SV2C: variants seen among roughly 807,000 people sequenced by gnomAD.
SV2C encodes solute carrier family 22 member B3.
Under a neutral mutation model 79.7 loss-of-function variants are expected in SV2C, and 49 were observed. That is an observed-to-expected ratio of 0.61 (90% CI 0.49 to 0.78). SV2C has a LOEUF of 0.78. SV2C is among the 30% of genes least tolerant of loss of function. SV2C has a pLI of 0.00. For missense variants in SV2C, 833 were observed against 912.9 expected, an observed-to-expected ratio of 0.91 and a Z score of 1.13; for synonymous variants, 334 against 333.2, an observed-to-expected ratio of 1.00 and a Z score of -0.03.
intron 1 of SV2C, among the ~76,000 whole-genome samples, chr5:76,100,805 T>C (rs1747717306): frequency 6.6e-6 from 1 of 152,180 alleles, no homozygotes; most frequent in Non-Finnish European, 1.5e-5. Flanking sequence ...TACTGACATT[T>C]TGGACCAGAT....
the SV2C span, among the ~76,000 whole-genome samples, chr5:75,974,315 T>G: frequency 1.3e-5 from 2 of 152,094 alleles, no homozygotes; most frequent in Non-Finnish European, 2.9e-5. Flanking sequence ...TGACCTTAAA[T>G]ACAGCATTGT....
At chr5:76,030,718 T>A in the SV2C span, among the ~76,000 whole-genome samples, 2 of 151,120 alleles carry the variant, frequency 1.3e-5, no homozygotes, top group Non-Finnish European at 2.9e-5. Flanking sequence ...GCTGAGATCG[T>A]GCCACTGCAC....
chr5:75,915,870 G>A, the SV2C span, among the ~76,000 whole-genome samples: 3 of 152,152 alleles, frequency 2.0e-5, no homozygotes, highest in Non-Finnish European at 4.4e-5. Context: ...GTCAAGGCAG[G>A]GGACATTCTG....
At chr5:76,263,738 G>C (rs61176487) in intron 4 of SV2C, among the ~76,000 whole-genome samples, 2 of 152,152 alleles carry the variant, frequency 1.3e-5, no homozygotes, top group Non-Finnish European at 2.9e-5. Flanking sequence ...AGTTTGGCTG[G>C]ATATGAAATT....
chr5:75,961,360 A>G, the SV2C span, among the ~76,000 whole-genome samples: 1 of 151,998 alleles, frequency 6.6e-6, no homozygotes, highest in African/African-American at 2.4e-5. Context: ...TTTTAGCAAA[A>G]TCACTAATTA....
chr5:75,942,699 T>G, the SV2C span, among the ~76,000 whole-genome samples: 1 of 152,210 alleles, frequency 6.6e-6, no homozygotes, highest in African/African-American at 2.4e-5. Flanking sequence ...AATCATTATA[T>G]CATCTTGAGT....
At chr5:76,267,913 C>T (rs1746717464) in intron 4 of SV2C, among the ~76,000 whole-genome samples, 1 of 152,216 alleles carries the variant, frequency 6.6e-6, no homozygotes. Flanking sequence ...TGCAGACCTG[C>T]ATAAGAACCA....
chr5:75,994,164 C>T, the SV2C span, among the ~76,000 whole-genome samples: 3 of 151,996 alleles, frequency 2.0e-5, no homozygotes, highest in South Asian at 6.2e-4. Flanking sequence ...TGCAATGGTA[C>T]ACATGAGCAA....
At chr5:76,301,289 A>C (rs1416229902) in intron 11 of SV2C, 97 bp from the exon 12 acceptor site, 3 of 1,500,318 alleles carry the variant, frequency 2.0e-6, no homozygotes, top group East Asian at 4.5e-5. Context: ...GCTTCCACTT[A>C]GAATTCAGTT....
At chr5:76,143,302 C>T (rs536143339) in intron 2 of SV2C, among the ~76,000 whole-genome samples, 7 of 152,102 alleles carry the variant, frequency 4.6e-5, no homozygotes, top group Non-Finnish European at 7.4e-5. Context: ...CACAGAGAGA[C>T]GATAAAGGTG....
intron 1 of SV2C, among the ~76,000 whole-genome samples, chr5:76,108,383 G>T (rs1015955360): frequency 6.6e-6 from 1 of 152,092 alleles, no homozygotes; most frequent in Admixed American, 6.6e-5. Flanking sequence ...CACAAGAAAC[G>T]GAATGAGATA....
the SV2C span, among the ~76,000 whole-genome samples, chr5:76,062,491 A>C: frequency 6.6e-6 from 1 of 152,110 alleles, no homozygotes; most frequent in South Asian, 2.1e-4. Flanking sequence ...GATTTTCCAG[A>C]CTCCAGAACT....
intron 12 of SV2C, among the ~76,000 whole-genome samples, chr5:76,301,927 A>AG (rs1368634779): frequency 1.3e-5 from 2 of 151,644 alleles, no homozygotes; most frequent in Non-Finnish European, 1.5e-5. Context: ...AAAAAAAAAA[A>AG]AAAGCCAAAC....
At chr5:76,278,430 G>T (rs1747087056) in intron 4 of SV2C, among the ~76,000 whole-genome samples, 2 of 152,160 alleles carry the variant, frequency 1.3e-5, no homozygotes, top group South Asian at 4.1e-4. Flanking sequence ...ATCCTGGAAG[G>T]TACGAAGCCT....
intron 3 of SV2C, among the ~76,000 whole-genome samples, chr5:76,208,938 G>A (rs1250127886): frequency 6.6e-6 from 1 of 152,084 alleles, no homozygotes; most frequent in Non-Finnish European, 1.5e-5. Flanking sequence ...TCCTAAAAAT[G>A]AGCACTATTT....
chr5:76,178,900 G>T (rs1402294506), intron 2 of SV2C, among the ~76,000 whole-genome samples: 2 of 152,202 alleles, frequency 1.3e-5, no homozygotes, highest in African/African-American at 4.8e-5. Flanking sequence ...ATAGCTTTAT[G>T]TGAGGAGGAC....
chr5:75,960,881 ATACTTCCT>A, the SV2C span, among the ~76,000 whole-genome samples: 1 of 152,002 alleles, frequency 6.6e-6, no homozygotes, highest in Admixed American at 6.6e-5. Context: ...ATAGGATATA[ATACTTCCT>A]TGTGCTCTAA....
At chr5:75,952,945 C>T in the SV2C span, among the ~76,000 whole-genome samples, 1 of 151,984 alleles carries the variant, frequency 6.6e-6, no homozygotes, top group Non-Finnish European at 1.5e-5. Context: ...TACTCAAGTG[C>T]TTCTAGATGT....
At chr5:76,353,492 G>A (rs1749682120) in exon 13 of SV2C, 1 of 153,206 alleles carries the variant, frequency 6.5e-6, no homozygotes, top group Non-Finnish European at 1.5e-5. Context: ...AGTGGGTGTG[G>A]ACCTCTTTTC....
Sources: gnomAD v4.1 joint callset for allele counts (sites outside exome capture counted in the v4.1 genomes callset) on GRCh38, gnomAD v4.1.1 for gene constraint, MANE v1.5 for transcripts, NCBI Gene and HGNC (gene_info 2026-07-23, HGNC 2026-07-21) for gene names.